Variants in TASP1 observed in about 807,000 individuals in gnomAD.
The protein encoded by TASP1 is taspase 1.
Under a neutral mutation model 56.6 loss-of-function variants are expected in TASP1, and 16 were observed. The observed-to-expected ratio is 0.28, with a 90% confidence interval of 0.19 to 0.43. The LOEUF is 0.43. Among genes scored for constraint, TASP1 ranks in the 20% least tolerant of loss-of-function variants. TASP1 has a pLI of 1.00. For missense variants in TASP1, 393 were observed against 511.6 expected, an observed-to-expected ratio of 0.77 and a Z score of 2.24; for synonymous variants, 179 against 184.2, an observed-to-expected ratio of 0.97 and a Z score of 0.23.
intron 10 of TASP1, among the ~76,000 whole-genome samples, chr20:13,519,460 G>T (rs1320328931): frequency 6.6e-6 from 1 of 152,140 alleles, no homozygotes; most frequent in Non-Finnish European, 1.5e-5. Flanking sequence ...TGCAAGGCTG[G>T]TTCAACATAC....
In TASP1 at chr20:13,550,151, C is replaced by T. The variant is rs190143289; in HGVS notation, c.675+8857G>A. The stretch of plus-strand genomic sequence containing the variant: ...TAAATATGGAATATATACACATACA[C>T]ACACACACACACACACACACACACA... On this transcript the variant is annotated intron_variant, in intron 8 of 13. Transcript: ENST00000337743. Among the ~76,000 whole-genome samples, 12 of 146,360 alleles carry T rather than the reference C, an allele frequency of 8.2e-5. No individual in the cohort carries two copies. The South Asian group carries it at 1.3e-3, about 16-fold the overall frequency.
At chr20:13,121,720 T>G in the TASP1 span, among the ~76,000 whole-genome samples, 4 of 152,092 alleles carry the variant, frequency 2.6e-5, no homozygotes, top group South Asian at 8.3e-4. Flanking sequence ...TCCCTGACAC[T>G]CTCCAGAAGT....
rs900885848 is a variant in TASP1 at position 13,474,975 on chromosome 20, AT to A, written c.985+8251del. Among the ~76,000 whole-genome samples, 19 of 151,258 alleles carry A rather than the reference AT, an allele frequency of 1.3e-4. No individual in the cohort carries two copies. The East Asian group carries it at 1.6e-3, about 12-fold the overall frequency. ...TGTTCTTGGTCTACTTTTTGATAGG[AT>A]TTTTTTTTCTTGATTTGTTTGAAAA... On this transcript the variant is annotated intron_variant, in intron 11 of 13. Coordinates refer to ENST00000337743, the MANE Select transcript of TASP1 (RefSeq NM_017714.3).
At chr20:13,329,727 GT>G in the TASP1 span, among the ~76,000 whole-genome samples, 60 of 148,412 alleles carry the variant, frequency 4.0e-4, no homozygotes, top group Admixed American at 2.7e-3. Context: ...AATAGAGACA[GT>G]TTTTTTTTTC....
chr20:13,586,778 T>C (rs1296366620), intron 5 of TASP1, among the ~76,000 whole-genome samples: 1 of 152,126 alleles, frequency 6.6e-6, no homozygotes, highest in East Asian at 1.9e-4. Flanking sequence ...AAAAAGTTTA[T>C]AATAATTAAC....
chr20:13,438,264 G>A (rs1476309504), intron 11 of TASP1, among the ~76,000 whole-genome samples: 3 of 152,114 alleles, frequency 2.0e-5, no homozygotes, highest in African/African-American at 4.8e-5. Context: ...ATACTACAAG[G>A]CTACAGTAAT....
At chr20:13,315,388 G>A in the TASP1 span, among the ~76,000 whole-genome samples, 1 of 151,982 alleles carries the variant, frequency 6.6e-6, no homozygotes, top group African/African-American at 2.4e-5. Flanking sequence ...AGTAGCAGTA[G>A]CTATCTCAAA....
At chr20:13,299,676 GC>G in the TASP1 span, 3 of 491,572 alleles carry the variant, frequency 6.1e-6, no homozygotes, top group African/African-American at 5.7e-5. This position sits in a 1 kb window ranked among gnomAD's most constrained non-coding sequence, Gnocchi z 5.8. Flanking sequence ...CCTTGAAAGT[GC>G]CCCTGGGGAG....
chr20:13,129,630 A>G, the TASP1 span, among the ~76,000 whole-genome samples: 1 of 152,260 alleles, frequency 6.6e-6, no homozygotes, highest in African/African-American at 2.4e-5. Flanking sequence ...CCTTTGGTCT[A>G]TATGTCATCC....
At chr20:13,251,951 C>A in the TASP1 span, among the ~76,000 whole-genome samples, 3 of 151,564 alleles carry the variant, frequency 2.0e-5, no homozygotes, top group African/African-American at 7.3e-5. Context: ...GTGAGAGAGT[C>A]CAAGCTGAAG....
intron 8 of TASP1, among the ~76,000 whole-genome samples, chr20:13,538,501 C>T (rs1037102874): frequency 1.7e-4 from 26 of 152,178 alleles, no homozygotes; most frequent in Non-Finnish European, 3.1e-4. Flanking sequence ...CCTCGTATAC[C>T]TCTGTCAGGT....
the TASP1 span, among the ~76,000 whole-genome samples, chr20:13,297,127 A>T: frequency 1.3e-5 from 2 of 152,316 alleles, no homozygotes; most frequent in East Asian, 3.9e-4. Flanking sequence ...TGGCCTTGTC[A>T]CAGGTGAACA....
At chr20:13,190,292 G>C in the TASP1 span, among the ~76,000 whole-genome samples, 1 of 152,034 alleles carries the variant, frequency 6.6e-6, no homozygotes, top group Admixed American at 6.6e-5. Context: ...TAAAAGAAAA[G>C]AACAAAGGTG....
At chr20:13,446,192 G>A (rs1219102228) in intron 11 of TASP1, among the ~76,000 whole-genome samples, 4 of 152,098 alleles carry the variant, frequency 2.6e-5, no homozygotes, top group Non-Finnish European at 5.9e-5. Context: ...CAGCAAGTAA[G>A]AGAACAAACA....
chr20:13,495,092 C>A (rs61422194), intron 10 of TASP1, among the ~76,000 whole-genome samples: 1,567 of 152,130 alleles, frequency 0.01, 31 homozygotes, highest in African/African-American at 0.035. Context: ...GACAGTTATA[C>A]TACACCATAA....
chr20:13,295,120 G>C, the TASP1 span, among the ~76,000 whole-genome samples: 1 of 152,150 alleles, frequency 6.6e-6, no homozygotes, highest in South Asian at 2.1e-4. Context: ...CTGGGTCAGA[G>C]CTGGAGTCAC....
the TASP1 span, among the ~76,000 whole-genome samples, chr20:13,137,644 A>T: frequency 2.5e-4 from 38 of 152,294 alleles, no homozygotes; most frequent in African/African-American, 8.9e-4. Flanking sequence ...TGGGAAAGAA[A>T]GCATATATTC....
intron 4 of TASP1, among the ~76,000 whole-genome samples, chr20:13,607,878 A>G (rs1392504523): frequency 6.6e-6 from 1 of 152,174 alleles, no homozygotes; most frequent in Non-Finnish European, 1.5e-5. Flanking sequence ...GAAGCAGGAG[A>G]ATCACTTGAA....
intron 4 of TASP1, among the ~76,000 whole-genome samples, chr20:13,592,020 TAAG>T (rs2047551115): frequency 6.6e-6 from 1 of 151,932 alleles, no homozygotes; most frequent in Non-Finnish European, 1.5e-5. Context: ...AAAGATAGCA[TAAG>T]AAGAAGAAAT....
Sources: allele counts gnomAD v4.1 joint callset (sites outside exome capture counted in the v4.1 genomes callset), GRCh38; gene constraint gnomAD v4.1.1; non-coding constraint Gnocchi (gnomAD v3.1); transcripts MANE v1.5; gene names NCBI Gene and HGNC (gene_info 2026-07-23, HGNC 2026-07-21).